FHOD3: variants seen among roughly 807,000 people sequenced by gnomAD.
The protein encoded by FHOD3 is FH1/FH2 domain-containing protein 3.
A neutral mutation model predicts 173.0 loss-of-function variants in FHOD3; 90 were observed. The ratio of observed to expected loss-of-function variants is 0.52; its 90% CI spans 0.44 to 0.62. FHOD3 has a LOEUF of 0.62. Ranked by LOEUF, FHOD3 falls within the 20% of genes least tolerant of loss-of-function variation. FHOD3 has a pLI of 0.00. For synonymous variants in FHOD3, 828 were observed against 823.0 expected, an observed-to-expected ratio of 1.01 and a Z score of -0.10; for missense variants, 1,945 against 2,034.7, an observed-to-expected ratio of 0.96 and a Z score of 0.85.
rs76952997 is a variant in FHOD3, at chr18:36,529,414, G to A, written c.511+16871G>A. ...AACTTCATATTTCCACAGAAGAGAGGCTTCATTGAATAAGTGCATCTTGCT... is the reference window on the plus strand; with the variant it reads ...AACTTCATATTTCCACAGAAGAGAGACTTCATTGAATAAGTGCATCTTGCT... On this transcript the variant is annotated intron_variant, in intron 5 of 28. Transcript: ENST00000590592. Among the ~76,000 whole-genome samples, 377 of 152,236 alleles carry A rather than the reference G, an allele frequency of 2.5e-3. 7 individuals are homozygous for A. In the East Asian group the frequency reaches 0.049, roughly 20 times the overall value.
At chr18:36,483,791 A>T (rs374833282) in intron 3 of FHOD3, among the ~76,000 whole-genome samples, 103 of 152,274 alleles carry the variant, frequency 6.8e-4, no homozygotes, top group African/African-American at 2.2e-3. Flanking sequence ...GATGCTGGTT[A>T]ATGAGCCCTC....
intron 19 of FHOD3, among the ~76,000 whole-genome samples, chr18:36,722,360 A>G (rs1042369882): frequency 1.3e-5 from 2 of 152,136 alleles, no homozygotes; most frequent in African/African-American, 4.8e-5. Context: ...TCCTGTTCTC[A>G]AAGGGCAGCT....
chr18:36,402,115 A>G (rs10163846), intron 3 of FHOD3, among the ~76,000 whole-genome samples: 67,088 of 151,922 alleles, frequency 0.44, 15,280 homozygotes, highest in East Asian at 0.68. Context: ...TAAGCCAACA[A>G]AGAGTGGTGG....
intron 3 of FHOD3, among the ~76,000 whole-genome samples, chr18:36,425,683 T>C (rs1322221389): frequency 6.6e-6 from 1 of 152,186 alleles, no homozygotes; most frequent in African/African-American, 2.4e-5. Flanking sequence ...GGGTTTGTTT[T>C]AATGAAAATT....
intron 11 of FHOD3, among the ~76,000 whole-genome samples, chr18:36,649,950 C>T (rs929349436): frequency 6.6e-6 from 1 of 152,220 alleles, no homozygotes; most frequent in Non-Finnish European, 1.5e-5. Context: ...ACATATAACT[C>T]TATAGCCCTT....
At chr18:36,298,413 T>G (rs970924942) in intron 1 of FHOD3, among the ~76,000 whole-genome samples, 2 of 152,090 alleles carry the variant, frequency 1.3e-5, no homozygotes, top group Non-Finnish European at 2.9e-5. Flanking sequence ...CTCAGGTCCC[T>G]TGGAGAGGAG....
At chr18:36,585,371 T>C (rs1448248041) in intron 6 of FHOD3, among the ~76,000 whole-genome samples, 4 of 152,222 alleles carry the variant, frequency 2.6e-5, no homozygotes, top group Non-Finnish European at 5.9e-5. Flanking sequence ...ACCGGCCACT[T>C]GGCTGTGCAT....
chr18:36,426,071 A>ATT (rs60656479), intron 3 of FHOD3, among the ~76,000 whole-genome samples: 2 of 151,054 alleles, frequency 1.3e-5, no homozygotes, highest in South Asian at 2.1e-4. Context: ...TGCCCGGCTA[A>ATT]TTTTTTGTAT....
intron 3 of FHOD3, among the ~76,000 whole-genome samples, chr18:36,467,207 C>T (rs2052995687): frequency 6.6e-6 from 1 of 152,154 alleles, no homozygotes. Context: ...GTCTTAGGAG[C>T]CTCACATGCC....
chr18:36,601,439 T>G (rs2031367207), intron 7 of FHOD3, among the ~76,000 whole-genome samples: 1 of 152,220 alleles, frequency 6.6e-6, no homozygotes, highest in Admixed American at 6.5e-5. Flanking sequence ...CTTTTAAAAT[T>G]GCTTCAGCTT....
At chr18:36,686,880 A>T (rs1360811704) in intron 15 of FHOD3, among the ~76,000 whole-genome samples, 1 of 152,188 alleles carries the variant, frequency 6.6e-6, no homozygotes, top group African/African-American at 2.4e-5. Flanking sequence ...AGTAATTAGT[A>T]GTGTTTCTGG....
Position 36,620,094 on chromosome 18 carries a change from C to T in FHOD3, c.958-5417C>T, listed in dbSNP as rs186736503. Among the ~76,000 whole-genome samples, 182 of 152,276 alleles carry T rather than the reference C, an allele frequency of 1.2e-3. 2 individuals are homozygous for T. The South Asian group carries it at 0.016, about 13-fold the overall frequency. On this transcript the variant is annotated intron_variant, in intron 9 of 28. Coordinates refer to ENST00000590592, the MANE Select transcript of FHOD3 (RefSeq NM_001281740.3). ...TATGCTGTTCTCCTGTTTAAGAAAA[C>T]GAATGAATGAGCTTTTCATGACCAG...
chr18:36,545,531 C>G (rs1299421720), intron 5 of FHOD3, among the ~76,000 whole-genome samples: 1 of 152,192 alleles, frequency 6.6e-6, no homozygotes. Flanking sequence ...GTCAGGAACA[C>G]TGTTGATAAC....
intron 8 of FHOD3, among the ~76,000 whole-genome samples, chr18:36,610,664 A>G (rs1433662127): frequency 6.6e-6 from 1 of 152,214 alleles, no homozygotes; most frequent in Non-Finnish European, 1.5e-5. Context: ...CGAGTTATGA[A>G]TAGAGGCCTT....
At chr18:36,597,892 CAT>C (rs1568474705) in intron 7 of FHOD3, among the ~76,000 whole-genome samples, 1 of 151,630 alleles carries the variant, frequency 6.6e-6, no homozygotes, top group African/African-American at 2.4e-5. Context: ...TCTTTATGGA[CAT>C]GTGTGGTCTT....
chr18:36,528,606 C>T (rs930243083), intron 5 of FHOD3, among the ~76,000 whole-genome samples: 1 of 152,194 alleles, frequency 6.6e-6, no homozygotes, highest in Admixed American at 6.5e-5. Context: ...CTTTTGGCAT[C>T]AGATAATGTA....
Position 36,740,757 on chromosome 18 carries a change from C to A in FHOD3, c.3678C>A (p.Leu1226=), listed in dbSNP as rs1394404402. The part of the protein sequence containing the change: ...EIPLGSAEQF[L]LTLSSISELS... ...CCCTGGGCAGTGCAGAGCAGTTCCT[C>A]CTCACCCTGTCCTCCATCAGCGAGC... is the stretch of plus-strand genomic sequence containing the variant. The change falls in exon 21 of 29, where the codon CTC becomes CTA. Residue 1226 remains leucine, a synonymous_variant. Transcript: ENST00000590592. 1.2e-6 allele frequency: 2 copies of A among 1,614,132 alleles called. No individual in the cohort carries two copies. Among genetic ancestry groups the A allele is most frequent in the Non-Finnish European group, 1.7e-6 (2 of 1,180,022 alleles).
chr18:36,300,577 G>A (rs1454356153), intron 1 of FHOD3, among the ~76,000 whole-genome samples: 1 of 152,106 alleles, frequency 6.6e-6, no homozygotes, highest in Admixed American at 6.5e-5. Flanking sequence ...TGCTTCTTCC[G>A]GGTCCCACAG....
intron 15 of FHOD3, among the ~76,000 whole-genome samples, chr18:36,686,216 T>A (rs777634820): frequency 5.9e-5 from 9 of 151,994 alleles, no homozygotes; most frequent in Admixed American, 1.3e-4. Flanking sequence ...TGCCCATCAA[T>A]TGATAGACTG....
Sources: allele counts gnomAD v4.1 joint callset (sites outside exome capture counted in the v4.1 genomes callset), GRCh38; gene constraint gnomAD v4.1.1; transcripts MANE v1.5; gene names NCBI Gene and HGNC (gene_info 2026-07-23, HGNC 2026-07-21).